The following KRT86 variants were observed in gnomAD, a reference collection of about 807,000 sequenced individuals.
KRT86 encodes the protein keratin 86, also known as keratin, type II cuticular Hb6.
KRT86 carries 30 observed loss-of-function variants against 41.2 expected under a neutral mutation model. The ratio of observed to expected loss-of-function variants is 0.73; its 90% CI spans 0.54 to 0.99. The LOEUF is 0.99. KRT86 is among the 50% of genes least tolerant of loss of function. The pLI is 0.00. For missense variants in KRT86, 561 were observed against 571.4 expected (o/e 0.98, Z 0.19); for synonymous variants, 238 against 238.1 (o/e 1.00, Z 0.00).
chr12:52,286,567 A>G, intron 2 of KRT86: 1 of 1,434,690 alleles, frequency 7.0e-7, no homozygotes, highest in Non-Finnish European at 9.6e-7. Flanking sequence ...GCCCCTGCCC[A>G]AGACCTGAGC....
At chr12:52,286,127 A>T in intron 2 of KRT86, 1 of 794,404 alleles carries the variant, frequency 1.3e-6, no homozygotes, top group South Asian at 1.5e-5. Context: ...ATGTGAGGCC[A>T]GGAGTGGGAG....
chr12:52,307,398 G>A (rs1355652242), intron 9 of KRT86, among the ~76,000 whole-genome samples: 1 of 152,230 alleles, frequency 6.6e-6, no homozygotes, highest in Non-Finnish European at 1.5e-5. Context: ...CAGGAGCTTT[G>A]GTATGTGTTA....
At chr12:52,287,984 C>T in intron 2 of KRT86, 4 of 1,614,206 alleles carry the variant, frequency 2.5e-6, no homozygotes, top group Non-Finnish European at 2.5e-6. Flanking sequence ...TGCCACTCAC[C>T]TTGCTGCGGT....
chr12:52,299,681 T>C (rs905233158), intron 2 of KRT86, among the ~76,000 whole-genome samples: 3 of 152,272 alleles, frequency 2.0e-5, no homozygotes, highest in Non-Finnish European at 4.4e-5. Context: ...TATTGATTTG[T>C]ATTTCTTTGA....
At chr12:52,301,835 T>C (rs1592435741) in intron 2 of KRT86, 78 bp from the exon 3 acceptor site, 1 of 1,613,162 alleles carries the variant, frequency 6.2e-7, no homozygotes, top group East Asian at 2.2e-5. Context: ...GTGCAAGTAG[T>C]GAACGCCTGA....
At chr12:52,306,338 T>G in intron 9 of KRT86, 58 bp downstream of exon 9, 2 of 1,611,084 alleles carry the variant, frequency 1.2e-6, no homozygotes, top group Non-Finnish European at 1.7e-6. Context: ...GTGTGCTCTG[T>G]CCTCACACTC....
intron 2 of KRT86, chr12:52,291,251 C>A (rs1938108181): frequency 6.6e-7 from 1 of 1,514,578 alleles, no homozygotes. Context: ...GGGACTGGGC[C>A]CGCACACGCC....
intron 2 of KRT86, chr12:52,286,546 T>C (rs1937943473): frequency 1.3e-6 from 2 of 1,521,642 alleles, no homozygotes; most frequent in Middle Eastern, 1.7e-4. Flanking sequence ...CATCCTGCCT[T>C]CCTGACAACC....
In KRT86 at chr12:52,294,175, G is replaced by C. The variant is rs118051606; in HGVS notation, c.-4-7738G>C. ...GGAATTTGGGGCACTGCTCACAATT[G>C]AGCAGTGATGTCCCCAGTAAACCAG... On this transcript the variant is annotated intron_variant, in intron 2 of 10. Coordinates refer to ENST00000423955, the MANE Select transcript of KRT86 (RefSeq NM_001320198.2). Among the ~76,000 whole-genome samples, 26 of 152,300 alleles carry C rather than the reference G, an allele frequency of 1.7e-4. No individual in the cohort carries two copies. In the East Asian group the frequency reaches 5.0e-3, roughly 29 times the overall value.
Position 52,308,726 on chromosome 12 carries a change from C to G in KRT86, c.*141C>G, listed in dbSNP as rs955831468. 11 of 774,666 alleles carry G rather than the reference C, an allele frequency of 1.4e-5. No homozygotes were observed. Among genetic ancestry groups the G allele is most frequent in the Admixed American group, 1.0e-4 (4 of 39,260 alleles). The allele number at this position is 774,666 out of a possible 1,614,324, so 48.0% of individuals were successfully genotyped here. The stretch of plus-strand genomic sequence containing the variant: ...ACTCTAAGCGCCCTCCCCACCGCTC[C>G]GCTCCGGGAGCCATCCCCGGTCGCA... On this transcript the variant is annotated 3_prime_UTR_variant, in exon 11 of 11. Transcript: ENST00000423955.
At chr12:52,287,628 G>A in intron 2 of KRT86, 1 of 1,613,946 alleles carries the variant, frequency 6.2e-7, no homozygotes, top group Non-Finnish European at 8.5e-7. Context: ...TCGGCCGTCA[G>A]CCTTTGGATC....
At chr12:52,294,781 ATTAT>A (rs1938211767) in intron 2 of KRT86, among the ~76,000 whole-genome samples, 1 of 152,088 alleles carries the variant, frequency 6.6e-6, no homozygotes. Flanking sequence ...TTTGTGTTTA[ATTAT>A]TCCTTTGCTT....
chr12:52,279,727 G>A (rs1171361565), intron 2 of KRT86, among the ~76,000 whole-genome samples: 1 of 152,150 alleles, frequency 6.6e-6, no homozygotes, highest in Non-Finnish European at 1.5e-5. Flanking sequence ...TCTTTAGGAT[G>A]GGGAGCCCGG....
At position 52,286,777 on chromosome 12, in the gene KRT86, C is replaced by A. The variant is rs749590869; in HGVS notation, c.-5+10831C>A. On this transcript the variant is annotated intron_variant, in intron 2 of 10. Coordinates refer to ENST00000423955, the MANE Select transcript of KRT86 (RefSeq NM_001320198.2). ...AGTTAGTAAATCTGTCCACACTGGACCCCAAATACTCACAGACATTCACAG... is the reference window on the plus strand; with the variant it reads ...AGTTAGTAAATCTGTCCACACTGGAACCCAAATACTCACAGACATTCACAG... 5 of 1,613,490 alleles carry A rather than the reference C, an allele frequency of 3.1e-6. No individual in the cohort carries two copies. The South Asian group carries it at 4.4e-5, about 14-fold the overall frequency.
chr12:52,281,626 C>T (rs1937773485), intron 2 of KRT86, among the ~76,000 whole-genome samples: 1 of 152,202 alleles, frequency 6.6e-6, no homozygotes, highest in Non-Finnish European at 1.5e-5. Flanking sequence ...GGCCTTGATC[C>T]TGTTCCCAGT....
At chr12:52,297,898 A>G (rs1464909533) in intron 2 of KRT86, among the ~76,000 whole-genome samples, 1 of 152,208 alleles carries the variant, frequency 6.6e-6, no homozygotes. Context: ...ATGAATTATC[A>G]AGTCCATATC....
intron 10 of KRT86, 34 bp from the exon 11 acceptor site, chr12:52,308,370 G>A (rs1938566325): frequency 6.2e-7 from 1 of 1,611,094 alleles, no homozygotes; most frequent in Non-Finnish European, 8.5e-7. Context: ...TCGCGGCTGC[G>A]CCTGACGCGC....
intron 9 of KRT86, chr12:52,306,983 G>A (rs1246679820): frequency 1.3e-5 from 2 of 153,670 alleles, no homozygotes; most frequent in Non-Finnish European, 2.9e-5. Context: ...CTCCCAGAAT[G>A]TGAGCTCATT....
chr12:52,291,500 A>T, intron 2 of KRT86: 1 of 1,610,448 alleles, frequency 6.2e-7, no homozygotes. Context: ...AGAGGACAGG[A>T]TAGGGGACCT....
Sources: allele counts gnomAD v4.1 joint callset (sites outside exome capture counted in the v4.1 genomes callset), GRCh38; gene constraint gnomAD v4.1.1; transcripts MANE v1.5; gene names NCBI Gene and HGNC (gene_info 2026-07-23, HGNC 2026-07-21).